The following RAVER2 variants were observed in gnomAD, a reference collection of about 807,000 sequenced individuals.
RAVER2 encodes ribonucleoprotein PTB-binding 2.
Under a neutral mutation model 78.1 loss-of-function variants are expected in RAVER2, and 46 were observed. The ratio of observed to expected loss-of-function variants is 0.59; its 90% CI spans 0.46 to 0.75. The LOEUF (loss-of-function observed/expected upper bound fraction) is 0.75. Among genes scored for constraint, RAVER2 ranks in the 30% least tolerant of loss-of-function variants. The pLI, the probability that RAVER2 is intolerant of heterozygous loss-of-function variation, is 0.00. For missense variants in RAVER2, 793 were observed against 837.5 expected (o/e 0.95, Z 0.66); for synonymous variants, 311 against 313.3 (o/e 0.99, Z 0.08).
At chr1:64,830,972 A>C (rs1240662216) in exon 12 of RAVER2, 1 of 1,613,632 alleles carries the variant, frequency 6.2e-7, no homozygotes, top group Non-Finnish European at 8.5e-7. Context: ...TTAAAAAAGA[A>C]GCGAGTATAC....
At chr1:64,814,893 A>G in intron 11 of RAVER2, 53 bp downstream of exon 11, 1 of 1,386,562 alleles carries the variant, frequency 7.2e-7, no homozygotes, top group African/African-American at 1.5e-5. Context: ...TCAACTATAT[A>G]TTGAGTTCAC....
At chr1:64,778,745 G>A (rs913033857) in intron 3 of RAVER2, among the ~76,000 whole-genome samples, 9 of 148,466 alleles carry the variant, frequency 6.1e-5, no homozygotes, top group Non-Finnish European at 1.2e-4. Flanking sequence ...ACAGAGTTTT[G>A]ATAGCAACTG....
intron 11 of RAVER2, among the ~76,000 whole-genome samples, chr1:64,825,439 A>G (rs1653985686): frequency 6.6e-6 from 1 of 152,228 alleles, no homozygotes; most frequent in South Asian, 2.1e-4. Context: ...TCCTTGAGGC[A>G]GAATTTTCTG....
intron 5 of RAVER2, among the ~76,000 whole-genome samples, chr1:64,797,182 T>C (rs1557598246): frequency 6.6e-6 from 1 of 152,206 alleles, no homozygotes; most frequent in Non-Finnish European, 1.5e-5. Flanking sequence ...TATGTTCCGC[T>C]CTTACTGGAT....
chr1:64,831,245 G>A, exon 12 of RAVER2: 1 of 282,772 alleles, frequency 3.5e-6, no homozygotes, highest in Non-Finnish European at 6.5e-6. Context: ...AACTAACAAT[G>A]TTCCAATATT....
At chr1:64,820,079 A>G (rs1265660195) in intron 11 of RAVER2, among the ~76,000 whole-genome samples, 4 of 152,320 alleles carry the variant, frequency 2.6e-5, no homozygotes, top group Admixed American at 6.5e-5. Context: ...AGGTAAATGA[A>G]ATTATGGTTT....
chr1:64,805,137 A>G lies in RAVER2; in HGVS notation c.1411+32A>G, dbSNP rs2274370. On this transcript the variant is annotated intron_variant, in intron 8 of 11. Coordinates refer to ENST00000294428, the Ensembl canonical transcript of RAVER2. ...GATGTGTATTTACTGAGAAGTCAGT[A>G]AACAGTCAGGTTTGAGATTTAAAGA... is the stretch of plus-strand genomic sequence containing the variant. The G allele has an allele frequency of 3.3e-5, 51 of 1,566,084 alleles. No homozygotes were observed. The East Asian group carries it at 8.1e-4, about 25-fold the overall frequency.
intron 9 of RAVER2, among the ~76,000 whole-genome samples, chr1:64,812,395 A>G (rs1014238726): frequency 1.3e-5 from 2 of 150,744 alleles, no homozygotes; most frequent in Non-Finnish European, 3.0e-5. Context: ...AGGTAGATAG[A>G]TAGATAGACA....
At chr1:64,803,028 T>G in exon 6 of RAVER2, 1 of 1,608,232 alleles carries the variant, frequency 6.2e-7, no homozygotes, top group Non-Finnish European at 8.5e-7. Flanking sequence ...CATCCATCTC[T>G]CCTGCATTTT....
intron 11 of RAVER2, among the ~76,000 whole-genome samples, chr1:64,817,007 G>A (rs1653771892): frequency 6.6e-6 from 1 of 152,176 alleles, no homozygotes; most frequent in Non-Finnish European, 1.5e-5. Flanking sequence ...CTACTCATCT[G>A]ACAAAGGGCT....
intron 1 of RAVER2, among the ~76,000 whole-genome samples, chr1:64,762,958 AT>A (rs1426369024): frequency 6.6e-6 from 1 of 152,240 alleles, no homozygotes; most frequent in Non-Finnish European, 1.5e-5. Flanking sequence ...CACAGGCTAG[AT>A]GAGGATATTT....
At chr1:64,759,303 T>C (rs903716526) in intron 1 of RAVER2, among the ~76,000 whole-genome samples, 3 of 152,048 alleles carry the variant, frequency 2.0e-5, no homozygotes, top group Middle Eastern at 3.4e-3. Context: ...AAGTGCAACC[T>C]CCGCCTCCCG....
chr1:64,788,413 A>G (rs1652842211), intron 4 of RAVER2, among the ~76,000 whole-genome samples: 2 of 152,086 alleles, frequency 1.3e-5, no homozygotes, highest in Admixed American at 6.6e-5. Context: ...CAAAGCTTGC[A>G]GTGAGCCGAG....
At chr1:64,825,422 T>C (rs773993507) in intron 11 of RAVER2, among the ~76,000 whole-genome samples, 24 of 152,174 alleles carry the variant, frequency 1.6e-4, no homozygotes, top group Non-Finnish European at 2.6e-4. Context: ...AGGGTGAGAC[T>C]GAGGAGTCCT....
intron 1 of RAVER2, among the ~76,000 whole-genome samples, chr1:64,761,876 G>A (rs1055411172): frequency 9.2e-4 from 140 of 152,108 alleles, no homozygotes; most frequent in African/African-American, 2.8e-3. Flanking sequence ...TGGGGAGGCC[G>A]AGGCAGGTGT....
intron 9 of RAVER2, among the ~76,000 whole-genome samples, chr1:64,808,389 A>ACCTAG (rs1285296609): frequency 6.6e-6 from 1 of 151,472 alleles, no homozygotes; most frequent in Non-Finnish European, 1.5e-5. Flanking sequence ...TTTTAGTGTT[A>ACCTAG]CCTAGCCATA....
At chr1:64,788,784 T>C (rs1652855138) in intron 4 of RAVER2, among the ~76,000 whole-genome samples, 2 of 130,916 alleles carry the variant, frequency 1.5e-5, no homozygotes, top group African/African-American at 3.1e-5. Context: ...AGAGCGAGAC[T>C]CCGTCTCAAA....
exon 3 of RAVER2, chr1:64,778,021 C>T (rs776323557): frequency 3.1e-6 from 5 of 1,613,988 alleles, no homozygotes; most frequent in Non-Finnish European, 4.2e-6. Context: ...TGATAAACTC[C>T]CCAGTGACTA....
chr1:64,817,803 A>G (rs1277504058), intron 11 of RAVER2, among the ~76,000 whole-genome samples: 1 of 151,890 alleles, frequency 6.6e-6, no homozygotes, highest in African/African-American at 2.4e-5. Context: ...CCTAATGTAA[A>G]TGACGAGCTA....
Sources: gnomAD v4.1 joint callset for allele counts (sites outside exome capture counted in the v4.1 genomes callset) on GRCh38, gnomAD v4.1.1 for gene constraint, MANE v1.5 for transcripts, NCBI Gene and HGNC (gene_info 2026-07-23, HGNC 2026-07-21) for gene names.